Variants in MRPL21 observed in about 807,000 individuals in gnomAD.
MRPL21 encodes the protein mitochondrial ribosomal protein L21.
Under a neutral mutation model 27.3 loss-of-function variants are expected in MRPL21, and 20 were observed. The ratio of observed to expected loss-of-function variants is 0.73; its 90% CI spans 0.52 to 1.06. The LOEUF (loss-of-function observed/expected upper bound fraction) is 1.06, where lower values mean the gene tolerates loss of function less well. Among genes scored for constraint, MRPL21 ranks in the 50% least tolerant of loss-of-function variants. MRPL21 has a pLI of 0.00. For missense variants in MRPL21, 249 were observed against 251.4 expected, an observed-to-expected ratio of 0.99 and a Z score of 0.06; for synonymous variants, 98 against 101.5, an observed-to-expected ratio of 0.97 and a Z score of 0.21.
chr11:68,898,130 C>G, intron 2 of MRPL21, 118 bp from the exon 3 acceptor site: 2 of 825,286 alleles, frequency 2.4e-6, no homozygotes, highest in Non-Finnish European at 2.0e-6. Context: ...AAGGCTCGCT[C>G]TTTCGGACAG....
Position 68,903,732 on chromosome 11 carries a change from G to T in MRPL21, c.79C>A (p.Pro27Thr), listed in dbSNP as rs1315478106. The change falls in exon 1 of 7, where the codon CCC (proline) becomes ACC (threonine). Residue 27 changes from proline (P) to threonine (T), a missense_variant. Pro to Thr is a conservative substitution (Grantham distance 38). Transcript: ENST00000362034. ...CSHSILRPSG[P>T]GAASLWSASR... ...ATATCCCAGGTCTCACCTGCTCCGG[G>T]CCCCGAAGGTCTCAGGATGCTGTGG... 1.2e-6 allele frequency: 2 copies of T among 1,613,190 alleles called. No homozygotes were observed. Among genetic ancestry groups the T allele is most frequent in the African/African-American group, 2.7e-5 (2 of 74,950 alleles).
intron 2 of MRPL21, among the ~76,000 whole-genome samples, chr11:68,898,396 T>A (rs964989976): frequency 6.6e-6 from 1 of 152,132 alleles, no homozygotes; most frequent in African/African-American, 2.4e-5. Context: ...GGCCAGCAGC[T>A]CTCCCGCCTC....
At chr11:68,893,998 C>T (rs565027702) in intron 4 of MRPL21, among the ~76,000 whole-genome samples, 7 of 152,112 alleles carry the variant, frequency 4.6e-5, no homozygotes, top group Admixed American at 3.9e-4. Flanking sequence ...TGCACTCCAG[C>T]CTGGGCGACA....
chr11:68,900,962 CT>C (rs1423143677), intron 1 of MRPL21, among the ~76,000 whole-genome samples: 1 of 152,190 alleles, frequency 6.6e-6, no homozygotes, highest in Non-Finnish European at 1.5e-5. Flanking sequence ...ATTCTTACCC[CT>C]GTTAGCCCCC....
At chr11:68,903,387 G>A (rs577369727) in intron 1 of MRPL21, among the ~76,000 whole-genome samples, 1 of 152,284 alleles carries the variant, frequency 6.6e-6, no homozygotes, top group South Asian at 2.1e-4. Context: ...TCAAGCACAG[G>A]CTTTGGAGCC....
chr11:68,891,788 A>T, intron 6 of MRPL21: 1 of 470,116 alleles, frequency 2.1e-6, no homozygotes. Flanking sequence ...AGCCAATACC[A>T]GTATTCTGGG....
intron 3 of MRPL21, 182 bp from the exon 4 acceptor site, chr11:68,896,860 C>T (rs1326617784): frequency 1.5e-6 from 1 of 675,674 alleles, no homozygotes; most frequent in Non-Finnish European, 2.5e-6. Flanking sequence ...AGGGCAGGCA[C>T]AGGGTCAGTC....
chr11:68,902,115 T>C (rs1857954111), intron 1 of MRPL21, among the ~76,000 whole-genome samples: 3 of 152,354 alleles, frequency 2.0e-5, no homozygotes, highest in Admixed American at 1.3e-4. Context: ...ACTGTGACTG[T>C]GTACTTCCAT....
chr11:68,892,804 ACCCACGTG>A, intron 6 of MRPL21, 78 bp downstream of exon 6: 1 of 1,560,142 alleles, frequency 6.4e-7, no homozygotes, highest in African/African-American at 1.4e-5. Flanking sequence ...CTGTCCCGAG[ACCCACGTG>A]CCCCACACCC....
intron 4 of MRPL21, among the ~76,000 whole-genome samples, chr11:68,894,648 C>A (rs1318992348): frequency 6.6e-6 from 1 of 152,176 alleles, no homozygotes; most frequent in Non-Finnish European, 1.5e-5. Flanking sequence ...TCCAATCATA[C>A]TCAACTTAAA....
chr11:68,893,050 T>C (rs1397483035), intron 5 of MRPL21, 57 bp from the exon 6 acceptor site: 6 of 1,472,716 alleles, frequency 4.1e-6, no homozygotes, highest in Non-Finnish European at 5.4e-6. Flanking sequence ...TCAAATGCCT[T>C]AGGTGAGAAT....
At chr11:68,891,913 G>A in intron 6 of MRPL21, 1 of 512,534 alleles carries the variant, frequency 2.0e-6, no homozygotes, top group Non-Finnish European at 3.2e-6. Flanking sequence ...CCCCGTGGGT[G>A]CCATCCCTCA....
chr11:68,894,232 AC>A (rs1179788820), intron 4 of MRPL21, among the ~76,000 whole-genome samples: 1 of 152,160 alleles, frequency 6.6e-6, no homozygotes, highest in Non-Finnish European at 1.5e-5. Context: ...AAATCACGAC[AC>A]CAAGTGTGGC....
At chr11:68,892,755 G>A (rs768463001) in intron 6 of MRPL21, 135 bp downstream of exon 6, 1 of 1,540,278 alleles carries the variant, frequency 6.5e-7, no homozygotes, top group Non-Finnish European at 8.7e-7. Flanking sequence ...AGGGTGGCAA[G>A]TGGGCAGTGG....
At chr11:68,902,064 T>C in intron 1 of MRPL21, among the ~76,000 whole-genome samples, 1 of 152,202 alleles carries the variant, frequency 6.6e-6, no homozygotes, top group East Asian at 1.9e-4. Flanking sequence ...ACAAACAGTC[T>C]CCTTCCTCTC....
At position 68,892,098 on chromosome 11, in the gene MRPL21, T is replaced by TGAA. The variant is rs528652776; in HGVS notation, c.554-704_554-703insTTC. The TGAA allele has an allele frequency of 5.7e-4, 658 of 1,160,298 alleles. 2 individuals are homozygous for TGAA. The highest frequency in any genetic ancestry group is 3.1e-3 in the Admixed American group (60 of 19,144). The allele number at this position is 1,160,298 out of a possible 1,614,324, so 71.9% of individuals were successfully genotyped here. A position where few individuals can be genotyped will look rare whatever the true frequency, so the allele number is the denominator to read the frequency against. ...GCGAGGTGGGGTCACGCGTGGAGGGTGGAGAAGGGGAGCGAGGTGGGTTCA... is the reference window on the plus strand; with the variant it reads ...GCGAGGTGGGGTCACGCGTGGAGGGTGAAGGAGAAGGGGAGCGAGGTGGGTTCA... On this transcript the variant is annotated intron_variant, in intron 6 of 6. Transcript: ENST00000362034.
chr11:68,902,959 C>A lies in MRPL21; in HGVS notation c.88+764G>T, dbSNP rs141230454. Among the ~76,000 whole-genome samples, 28 of 152,270 alleles carry A rather than the reference C, an allele frequency of 1.8e-4. 1 individual carries two copies. The East Asian group carries it at 4.1e-3, about 22-fold the overall frequency. ...ACATGTATGTAAGTTTCCTCCATGT[C>A]TCTTCATGACTCATTTCTTTTTATT... On this transcript the variant is annotated intron_variant, in intron 1 of 6. Coordinates refer to ENST00000362034, the MANE Select transcript of MRPL21 (RefSeq NM_181514.2).
Position 68,893,286 on chromosome 11 carries a change from T to C in MRPL21, c.449+117A>G, listed in dbSNP as rs752665318. ...CTATTATTAAGTATAAATGTTGTGT[T>C]TGGTGTCAACAAAGAATATGAATGC... On this transcript the variant is annotated intron_variant, in intron 5 of 6. Coordinates refer to ENST00000362034, the MANE Select transcript of MRPL21 (RefSeq NM_181514.2). The C allele has an allele frequency of 5.4e-4, 826 of 1,543,098 alleles. 2 individuals carry two copies. Among genetic ancestry groups the C allele is most frequent in the Non-Finnish European group, 6.7e-4 (765 of 1,141,352 alleles).
chr11:68,896,804 C>G (rs900947184), intron 3 of MRPL21, 126 bp from the exon 4 acceptor site: 2 of 1,290,618 alleles, frequency 1.5e-6, no homozygotes, highest in African/African-American at 2.9e-5. Flanking sequence ...CTTGTGAGCA[C>G]CTCACTGCTG....
Sources: allele counts gnomAD v4.1 joint callset (sites outside exome capture counted in the v4.1 genomes callset), GRCh38; gene constraint gnomAD v4.1.1; transcripts MANE v1.5; gene names NCBI Gene and HGNC (gene_info 2026-07-23, HGNC 2026-07-21).